GRID2: variants seen among roughly 807,000 people sequenced by gnomAD.
The protein encoded by GRID2 is glutamate ionotropic receptor delta type subunit 2.
GRID2 carries 33 observed loss-of-function variants against 114.8 expected under a neutral mutation model. The observed-to-expected ratio is 0.29, with a 90% confidence interval of 0.22 to 0.38. The LOEUF (loss-of-function observed/expected upper bound fraction) is 0.38, where lower values mean the gene tolerates loss of function less well. Ranked by LOEUF, GRID2 falls within the 10% of genes least tolerant of loss-of-function variation. The probability of loss-of-function intolerance (pLI) is 1.00; values close to 1 mark genes in which losing one functional copy is unlikely to be tolerated. For synonymous variants in GRID2, 505 were observed against 449.9 expected (o/e 1.12, Z -1.55); for missense variants, 1,184 against 1,257.7 (o/e 0.94, Z 0.89).
At chr4:92,334,843 T>C (rs533770395) in intron 1 of GRID2, among the ~76,000 whole-genome samples, 1 of 152,320 alleles carries the variant, frequency 6.6e-6, no homozygotes, top group South Asian at 2.1e-4. Context: ...AAAGCCAGCA[T>C]GCAGAACAGA....
intron 13 of GRID2, among the ~76,000 whole-genome samples, chr4:93,614,855 A>G (rs1239894407): frequency 1.3e-5 from 2 of 152,252 alleles, no homozygotes; most frequent in African/African-American, 2.4e-5. Flanking sequence ...TATTAACTGT[A>G]TTAAATAACA....
At chr4:92,641,528 T>G (rs1185680411) in intron 2 of GRID2, among the ~76,000 whole-genome samples, 1 of 150,814 alleles carries the variant, frequency 6.6e-6, no homozygotes, top group East Asian at 2.0e-4. Flanking sequence ...ATTCAGGAGG[T>G]AGATGATGAG....
intron 2 of GRID2, among the ~76,000 whole-genome samples, chr4:92,669,674 C>T (rs1326165336): frequency 3.3e-5 from 5 of 151,936 alleles, no homozygotes; most frequent in Non-Finnish European, 5.9e-5. Context: ...AAACTAATAG[C>T]GCCCTTTCCT....
rs539177358 is a variant in GRID2 at position 93,079,333 on chromosome 4, G to A, written c.245-5662G>A. Among the ~76,000 whole-genome samples the A allele has an allele frequency of 2.0e-5, 3 of 151,804 alleles. No homozygotes were observed. In the South Asian group the frequency reaches 6.2e-4, roughly 32 times the overall value. ...GGAGCTAAAACTATAGAGAATCAAT[G>A]TTTTAATACCAAACTAAAAATTTTT... On this transcript the variant is annotated intron_variant, in intron 2 of 15. Coordinates refer to ENST00000282020, the MANE Select transcript of GRID2 (RefSeq NM_001510.4).
chr4:92,341,960 TG>T (rs1298714121), intron 1 of GRID2, among the ~76,000 whole-genome samples: 6 of 151,300 alleles, frequency 4.0e-5, no homozygotes, highest in Non-Finnish European at 7.4e-5. Flanking sequence ...GATACCAAGA[TG>T]GTCATCCATT....
At chr4:92,913,124 T>C (rs1748509617) in intron 2 of GRID2, among the ~76,000 whole-genome samples, 1 of 151,860 alleles carries the variant, frequency 6.6e-6, no homozygotes, top group Non-Finnish European at 1.5e-5. Flanking sequence ...GACTTTAAAA[T>C]TTCTGTACTT....
chr4:92,624,944 C>T (rs564084944), intron 2 of GRID2, among the ~76,000 whole-genome samples: 19 of 151,848 alleles, frequency 1.3e-4, no homozygotes, highest in African/African-American at 4.6e-4. Context: ...GTTACTTTAT[C>T]GCCTTAATAG....
At chr4:92,918,057 G>A (rs1010173834) in intron 2 of GRID2, among the ~76,000 whole-genome samples, 4 of 152,070 alleles carry the variant, frequency 2.6e-5, no homozygotes, top group African/African-American at 9.7e-5. Context: ...TCCTTGAAGA[G>A]GTCCTTCACA....
chr4:92,338,275 G>C (rs1287281627), intron 1 of GRID2, among the ~76,000 whole-genome samples: 1 of 152,116 alleles, frequency 6.6e-6, no homozygotes, highest in Non-Finnish European at 1.5e-5. Context: ...AAATTATAAA[G>C]ACGGATTGTA....
intron 2 of GRID2, among the ~76,000 whole-genome samples, chr4:93,077,507 G>T (rs1729443016): frequency 6.6e-6 from 1 of 151,958 alleles, no homozygotes; most frequent in Non-Finnish European, 1.5e-5. Context: ...GTTTTATAAG[G>T]AACAATAATT....
At chr4:93,316,320 GAAAGAAA>G (rs1560490749) in intron 8 of GRID2, among the ~76,000 whole-genome samples, 211 of 93,188 alleles carry the variant, frequency 2.3e-3, no homozygotes, top group African/African-American at 5.9e-3. Context: ...AAGAAAGAAA[GAAAGAAA>G]GAAAGAAAGA....
At chr4:92,721,625 G>A (rs1560553163) in intron 2 of GRID2, among the ~76,000 whole-genome samples, 1 of 152,034 alleles carries the variant, frequency 6.6e-6, no homozygotes, top group Non-Finnish European at 1.5e-5. Flanking sequence ...CAGAATTATA[G>A]CATTAAAAAA....
intron 1 of GRID2, among the ~76,000 whole-genome samples, chr4:92,518,716 T>C (rs1358867993): frequency 1.3e-5 from 2 of 151,804 alleles, no homozygotes; most frequent in Non-Finnish European, 2.9e-5. Flanking sequence ...TAAAGTAAAA[T>C]AAATAAATAC....
chr4:92,864,192 C>A (rs1578337903), intron 2 of GRID2, among the ~76,000 whole-genome samples: 1 of 152,162 alleles, frequency 6.6e-6, no homozygotes, highest in Admixed American at 6.5e-5. Flanking sequence ...AGAACAAGAT[C>A]AACACATTGA....
chr4:93,441,825 C>T (rs1721646400), intron 10 of GRID2, among the ~76,000 whole-genome samples: 1 of 150,824 alleles, frequency 6.6e-6, no homozygotes, highest in Admixed American at 6.7e-5. Context: ...TTTGTAATGG[C>T]AGGCTTTAAA....
chr4:93,297,059 C>T (rs1754381057), intron 8 of GRID2, among the ~76,000 whole-genome samples: 1 of 152,084 alleles, frequency 6.6e-6, no homozygotes, highest in Non-Finnish European at 1.5e-5. Context: ...CATTTAAGCC[C>T]TGGTCATATC....
intron 2 of GRID2, among the ~76,000 whole-genome samples, chr4:93,059,360 G>A (rs1346076100): frequency 6.6e-6 from 1 of 152,084 alleles, no homozygotes; most frequent in Non-Finnish European, 1.5e-5. Context: ...AATTCAACAT[G>A]ACTGACATTT....
rs181472852 is a variant in GRID2 at position 92,809,834 on chromosome 4, G to A, written c.244+219548G>A. The stretch of plus-strand genomic sequence containing the variant: ...TTTATTCTTTATTGCATCTAAAAAT[G>A]TATAGTTTATGTTGTAAATATATCA... On this transcript the variant is annotated intron_variant, in intron 2 of 15. Transcript: ENST00000282020. 3.9e-5 allele frequency among the ~76,000 whole-genome samples: 6 copies of A among 152,038 alleles called. No individual in the cohort carries two copies. In the East Asian group the frequency reaches 1.2e-3, roughly 29 times the overall value.
At chr4:93,120,777 C>T (rs376739607) in intron 4 of GRID2, among the ~76,000 whole-genome samples, 1 of 151,964 alleles carries the variant, frequency 6.6e-6, no homozygotes, top group African/African-American at 2.4e-5. Flanking sequence ...CATGGTGAAA[C>T]CCCATCTCTA....
Sources: allele counts gnomAD v4.1 joint callset (sites outside exome capture counted in the v4.1 genomes callset), GRCh38; gene constraint gnomAD v4.1.1; transcripts MANE v1.5; gene names NCBI Gene and HGNC (gene_info 2026-07-23, HGNC 2026-07-21).